The following ARHGEF10 variants were observed in gnomAD, a reference collection of about 807,000 sequenced individuals.
The protein encoded by ARHGEF10 is Rho guanine nucleotide exchange factor 10.
A neutral mutation model predicts 147.4 loss-of-function variants in ARHGEF10; 140 were observed. The ratio of observed to expected loss-of-function variants is 0.95; its 90% CI spans 0.83 to 1.09. The LOEUF (loss-of-function observed/expected upper bound fraction) is 1.09. Ranked by LOEUF, ARHGEF10 falls within the 50% of genes least tolerant of loss-of-function variation. ARHGEF10 has a pLI of 0.00. For synonymous variants in ARHGEF10, 902 were observed against 695.8 expected, an observed-to-expected ratio of 1.30 and a Z score of -4.67; for missense variants, 2,222 against 1,752.7, an observed-to-expected ratio of 1.27 and a Z score of -4.78.
At chr8:1,826,701 A>G (rs958504870) in intron 1 of ARHGEF10, among the ~76,000 whole-genome samples, 8 of 152,362 alleles carry the variant, frequency 5.3e-5, no homozygotes, top group African/African-American at 1.4e-4. Flanking sequence ...TGAAAACGTC[A>G]TAGTGAGATG....
chr8:1,846,147 G>A (rs916929519), intron 2 of ARHGEF10, among the ~76,000 whole-genome samples: 1 of 152,238 alleles, frequency 6.6e-6, no homozygotes, highest in African/African-American at 2.4e-5. Context: ...ACCCTGGCGG[G>A]AGCCCGGGAG....
chr8:1,840,107 T>C lies in ARHGEF10; in HGVS notation c.-47-3246T>C, dbSNP rs1354794030. Among the ~76,000 whole-genome samples the C allele has an allele frequency of 1.5e-5, 2 of 133,456 alleles. 1 individual carries two copies. The highest frequency in any genetic ancestry group is 6.1e-5 in the African/African-American group (2 of 32,744). The allele number at this position is 133,456 out of a possible 152,430, so 87.6% of individuals were successfully genotyped here. A position where few individuals can be genotyped will look rare whatever the true frequency, so the allele number is the denominator to read the frequency against. ...TGTGGGGACTGTCCGGTGTGGAATC[T>C]GTCCGGTGTGGGGACTGTCCTGTGT... On this transcript the variant is annotated intron_variant, in intron 1 of 28. Coordinates refer to ENST00000349830, the MANE Select transcript of ARHGEF10 (RefSeq NM_014629.4).
intron 1 of ARHGEF10, among the ~76,000 whole-genome samples, chr8:1,830,423 T>G (rs1474298277): frequency 6.6e-6 from 1 of 152,242 alleles, no homozygotes; most frequent in Non-Finnish European, 1.5e-5. Context: ...CTCTGTTGGC[T>G]TAGGTTTAGT....
At position 1,823,999 on chromosome 8, in the gene ARHGEF10, C is replaced by CGCGGGGGACGCGGGGGACGCGGGGAACG. The variant is rs1563137232; in HGVS notation, c.-152_-151insCGGGGGACGCGGGGAACGGCGGGGGACG. ...ACGGGGTCGCGGGGGACGCGGGGGA[C>CGCGGGGGACGCGGGGGACGCGGGGAACG]GCGGGGGACGGCGGGGAACGGCGGG... On this transcript the variant is annotated 5_prime_UTR_variant, in exon 1 of 29. Transcript: ENST00000349830. The CGCGGGGGACGCGGGGGACGCGGGGAACG allele has an allele frequency of 2.1e-4, 17 of 79,360 alleles. No homozygotes were observed. The highest frequency in any genetic ancestry group is 8.5e-4 in the East Asian group (2 of 2,352). The allele number at this position is 79,360 out of a possible 1,614,324, so 4.9% of individuals were successfully genotyped here. A position where few individuals can be genotyped will look rare whatever the true frequency, so the allele number is the denominator to read the frequency against.
chr8:1,843,334 G>A lies in ARHGEF10; in HGVS notation c.-47-19G>A. Reference sequence around the variant, plus strand: ...TTATCCACCTGAACGGTGACAAGCAGTGTCTCTCCTTCTTGCAGGAGCTCC... The same window carrying A: ...TTATCCACCTGAACGGTGACAAGCAATGTCTCTCCTTCTTGCAGGAGCTCC... On this transcript the variant is annotated intron_variant, in intron 1 of 28. Coordinates refer to ENST00000349830, the MANE Select transcript of ARHGEF10 (RefSeq NM_014629.4). 6.2e-7 allele frequency: 1 copy of A among 1,603,476 alleles called. No homozygotes were observed. Among genetic ancestry groups the A allele is most frequent in the Non-Finnish European group, 8.5e-7 (1 of 1,174,318 alleles).
chr8:1,955,196 C>G (rs1463514735), intron 28 of ARHGEF10, among the ~76,000 whole-genome samples: 2 of 146,072 alleles, frequency 1.4e-5, no homozygotes, highest in Non-Finnish European at 3.0e-5. Flanking sequence ...CACTGTTTCT[C>G]TGGATGGGTA....
In ARHGEF10 at chr8:1,957,177, C is replaced by G; in HGVS notation, c.3949C>G (p.Arg1317Gly). The G allele has an allele frequency of 2.5e-6, 4 of 1,612,580 alleles. No homozygotes were observed. Among genetic ancestry groups the G allele is most frequent in the Non-Finnish European group, 3.4e-6 (4 of 1,180,002 alleles). Reference protein sequence around the residue: ...LVVCGGQGHRRVHRKARQPHQ... With the variant: ...LVVCGGQGHRGVHRKARQPHQ... Reference sequence around the variant, plus strand: ...GGTCTGTGGAGGGCAGGGCCACCGCCGGGTGCACAGGAAGGCCCGGCAGCC... The same window carrying G: ...GGTCTGTGGAGGGCAGGGCCACCGCGGGGTGCACAGGAAGGCCCGGCAGCC... The change falls in exon 29 of 29, where the codon CGG (arginine) becomes GGG (glycine). Residue 1317 changes from arginine (R) to glycine (G), a missense_variant. Transcript: ENST00000349830.
At chr8:1,891,411 G>A (rs1393261043) in intron 11 of ARHGEF10, among the ~76,000 whole-genome samples, 1 of 152,140 alleles carries the variant, frequency 6.6e-6, no homozygotes, top group East Asian at 1.9e-4. Context: ...TAATTTGGGG[G>A]TGGAAAAAGG....
chr8:1,896,864 C>G (rs563841147), intron 14 of ARHGEF10, among the ~76,000 whole-genome samples: 61 of 152,288 alleles, frequency 4.0e-4, no homozygotes, highest in African/African-American at 1.4e-3. Context: ...CCGAGGGGGA[C>G]GCAGGCTGTG....
intron 28 of ARHGEF10, among the ~76,000 whole-genome samples, chr8:1,955,127 T>C (rs61380289): frequency 1.8e-4 from 20 of 108,868 alleles, no homozygotes; most frequent in South Asian, 3.2e-4. Context: ...TGAAAGGAGG[T>C]GCACTCTCAC....
intron 26 of ARHGEF10, among the ~76,000 whole-genome samples, chr8:1,941,052 A>C (rs1185218780): frequency 6.6e-6 from 1 of 152,268 alleles, no homozygotes; most frequent in Admixed American, 6.5e-5. Context: ...TTTCCCCTGA[A>C]GATCAAGAAC....
At chr8:1,864,947 C>G (rs1427979758) in intron 5 of ARHGEF10, among the ~76,000 whole-genome samples, 1 of 152,038 alleles carries the variant, frequency 6.6e-6, no homozygotes, top group Admixed American at 6.5e-5. Context: ...CACTGGTGAT[C>G]TAAAATGTAT....
intron 2 of ARHGEF10, among the ~76,000 whole-genome samples, chr8:1,849,859 GAC>G (rs1267885119): frequency 7.2e-6 from 1 of 139,066 alleles, no homozygotes; most frequent in East Asian, 2.2e-4. Context: ...CGTGGACACA[GAC>G]AGCAAATGCT....
At chr8:1,950,955 C>T (rs764212146) in intron 27 of ARHGEF10, among the ~76,000 whole-genome samples, 14 of 152,208 alleles carry the variant, frequency 9.2e-5, no homozygotes, top group Non-Finnish European at 1.3e-4. Context: ...GTTTCAGTCA[C>T]GCAGCCGCAG....
chr8:1,917,841 C>A (rs1328344069), intron 18 of ARHGEF10, among the ~76,000 whole-genome samples: 1 of 152,026 alleles, frequency 6.6e-6, no homozygotes, highest in East Asian at 1.9e-4. Context: ...ATGGCGTGAT[C>A]TTGGCTCACT....
At chr8:1,854,348 G>A (rs1805389537) in intron 2 of ARHGEF10, among the ~76,000 whole-genome samples, 1 of 152,258 alleles carries the variant, frequency 6.6e-6, no homozygotes, top group Non-Finnish European at 1.5e-5. Flanking sequence ...GGGCACAGCT[G>A]TGGGCACCCA....
intron 27 of ARHGEF10, among the ~76,000 whole-genome samples, chr8:1,951,302 C>T (rs973137224): frequency 2.0e-5 from 3 of 152,212 alleles, no homozygotes; most frequent in Non-Finnish European, 2.9e-5. Flanking sequence ...AAGCTGCTGC[C>T]GTGTTTCTCA....
At chr8:1,885,771 G>C in intron 11 of ARHGEF10, 64 bp downstream of exon 11, 1 of 1,281,570 alleles carries the variant, frequency 7.8e-7, no homozygotes, top group Middle Eastern at 1.9e-4. Context: ...TTAAATATTT[G>C]TGTGTTTGAT....
At chr8:1,860,494 G>A (rs1301676543) in intron 4 of ARHGEF10, among the ~76,000 whole-genome samples, 1 of 152,040 alleles carries the variant, frequency 6.6e-6, no homozygotes, top group Non-Finnish European at 1.5e-5. Flanking sequence ...GTGGCCTGTG[G>A]TTCCGTAGAG....
Sources: allele counts gnomAD v4.1 joint callset (sites outside exome capture counted in the v4.1 genomes callset), GRCh38; gene constraint gnomAD v4.1.1; transcripts MANE v1.5; gene names NCBI Gene and HGNC (gene_info 2026-07-23, HGNC 2026-07-21).